Variants in MAPK13 observed in about 807,000 individuals in gnomAD.
MAPK13 encodes the protein mitogen-activated protein kinase 13.
Under a neutral mutation model 53.5 loss-of-function variants are expected in MAPK13, and 39 were observed. That is an observed-to-expected ratio of 0.73 (90% CI 0.56 to 0.95). MAPK13 has a LOEUF of 0.95. Ranked by LOEUF, MAPK13 falls within the 40% of genes least tolerant of loss-of-function variation. The probability of loss-of-function intolerance (pLI) is 0.00; values close to 1 mark genes in which losing one functional copy is unlikely to be tolerated. For synonymous variants in MAPK13, 179 were observed against 190.9 expected (o/e 0.94, Z 0.51); for missense variants, 460 against 471.8 (o/e 0.98, Z 0.23).
At chr6:36,131,154 C>T (rs1766311753) in intron 1 of MAPK13, 117 bp from the exon 2 acceptor site, 2 of 1,249,440 alleles carry the variant, frequency 1.6e-6, no homozygotes, top group Non-Finnish European at 2.2e-6. Context: ...CCCCCATATT[C>T]TAGGTGGTGG....
intron 4 of MAPK13, 31 bp downstream of exon 4, chr6:36,135,892 G>A: frequency 1.3e-6 from 2 of 1,598,416 alleles, no homozygotes; most frequent in Non-Finnish European, 1.7e-6. Context: ...TGGCAGAGGG[G>A]ACGCCTTGCT....
chr6:36,130,743 G>A lies in MAPK13; in HGVS notation c.119+42G>A. ...GCTGGGGGGCGGGGGGCGGGCGCCAGGCTCTCCCCTTTCCGCCCAGCCCGC... is the reference window on the plus strand; with the variant it reads ...GCTGGGGGGCGGGGGGCGGGCGCCAAGCTCTCCCCTTTCCGCCCAGCCCGC... On this transcript the variant is annotated intron_variant, in intron 1 of 11. Coordinates refer to ENST00000211287, the MANE Select transcript of MAPK13 (RefSeq NM_002754.5). This position sits in a 1 kb window ranked among gnomAD's most constrained non-coding sequence, Gnocchi z 4.5. 1 of 1,081,302 alleles carries A rather than the reference G, an allele frequency of 9.2e-7. No homozygotes were observed. The allele number at this position is 1,081,302 out of a possible 1,614,324, so 67.0% of individuals were successfully genotyped here.
chr6:36,137,329 C>A (rs984370563), intron 8 of MAPK13, among the ~76,000 whole-genome samples: 2 of 152,036 alleles, frequency 1.3e-5, no homozygotes, highest in African/African-American at 4.8e-5. Context: ...TCCTGGCTAA[C>A]AAGGGGAAAC....
Position 36,140,958 on chromosome 6 carries a change from A to G in MAPK13, c.*1585A>G, listed in dbSNP as rs1235745593. On this transcript the variant is annotated 3_prime_UTR_variant, in exon 12 of 12. Transcript: ENST00000211287. Reference sequence around the variant, plus strand: ...GGTGCACCAGGACTGCAGGTGGCTAATTAAAACATTTTTTTTCTTTTTTGT... The same window carrying G: ...GGTGCACCAGGACTGCAGGTGGCTAGTTAAAACATTTTTTTTCTTTTTTGT... 2.0e-5 allele frequency: 3 copies of G among 152,124 alleles called. No individual in the cohort carries two copies. Among genetic ancestry groups the G allele is most frequent in the African/African-American group, 7.2e-5 (3 of 41,424 alleles). The allele number at this position is 152,124 out of a possible 1,614,324, so 9.4% of individuals were successfully genotyped here. A position where few individuals can be genotyped will look rare whatever the true frequency, so the allele number is the denominator to read the frequency against.
chr6:36,132,767 T>G, intron 3 of MAPK13, 88 bp downstream of exon 3: 1 of 1,424,976 alleles, frequency 7.0e-7, no homozygotes, highest in Non-Finnish European at 9.9e-7. Context: ...GGGTTTCTAT[T>G]CCGGGTGTGG....
At chr6:36,131,018 T>G in intron 1 of MAPK13, 2 of 536,096 alleles carry the variant, frequency 3.7e-6, no homozygotes, top group Admixed American at 3.4e-5. Flanking sequence ...CTCGCCAAGT[T>G]GCAGACAGAG....
chr6:36,136,150 C>T, intron 5 of MAPK13, 102 bp downstream of exon 5: 1 of 1,362,192 alleles, frequency 7.3e-7, no homozygotes, highest in African/African-American at 1.4e-5. Context: ...GGAGGGGACA[C>T]TGCCCAGGAG....
Position 36,139,315 on chromosome 6 carries a change from T to C in MAPK13, c.1040T>C (p.Val347Ala). 2 of 1,614,164 alleles carry C rather than the reference T, an allele frequency of 1.2e-6. No individual in the cohort carries two copies. Among genetic ancestry groups the C allele is most frequent in the South Asian group, 2.2e-5 (2 of 91,078 alleles). ...TCAGAGCACATCTACAAGGAGATTG[T>C]GAACTTCAGCCCCATTGCCCGGAAG... Reference protein sequence around the residue: ...EWKQHIYKEIVNFSPIARKDS... With the variant: ...EWKQHIYKEIANFSPIARKDS... The change falls in exon 12 of 12, where the codon GTG becomes GCG. Residue 347 changes from valine (V) to alanine (A), a missense_variant. Physicochemically the swap from Val to Ala is moderately conservative, Grantham distance 64 (BLOSUM62 0). Coordinates refer to ENST00000211287, the MANE Select transcript of MAPK13 (RefSeq NM_002754.5).
chr6:36,136,421 G>A, intron 5 of MAPK13, 63 bp from the exon 6 acceptor site: 9 of 1,400,400 alleles, frequency 6.4e-6, no homozygotes, highest in Non-Finnish European at 7.8e-6. Context: ...CTGGGTGGTG[G>A]TGGAGCTAGG....
rs536570684 is a variant in MAPK13, at chr6:36,132,762, T to C, written c.308+83T>C. 66 of 1,464,994 alleles carry C rather than the reference T, an allele frequency of 4.5e-5. No individual in the cohort carries two copies. In the Middle Eastern group the frequency reaches 8.8e-4, roughly 20 times the overall value. 90.7% of individuals were successfully genotyped at this position (1,464,994 alleles called of 1,614,324 possible). ...GCAAGGTGGGGGAGGGTCTAGGGTT[T>C]CTATTCCGGGTGTGGCGGGGAGAGC... is the stretch of plus-strand genomic sequence containing the variant. On this transcript the variant is annotated intron_variant, in intron 3 of 11. Transcript: ENST00000211287.
rs1187848623 is a variant in MAPK13, at chr6:36,142,332, G to A, written c.*2959G>A. 2 of 152,302 alleles carry A rather than the reference G, an allele frequency of 1.3e-5. No individual in the cohort carries two copies. The highest frequency in any genetic ancestry group is 1.9e-4 in the East Asian group (1 of 5,188). The allele number at this position is 152,302 out of a possible 1,614,324, so 9.4% of individuals were successfully genotyped here. A position where few individuals can be genotyped will look rare whatever the true frequency, so the allele number is the denominator to read the frequency against. On this transcript the variant is annotated 3_prime_UTR_variant, in exon 12 of 12. Transcript: ENST00000211287. This position sits in a 1 kb window ranked among gnomAD's most constrained non-coding sequence, Gnocchi z 4.4. ...CAGTGCAGCCCAGTGCACAGGTCCC[G>A]ATATTGCCTCTCCCCAAGTAGGCTT... is the stretch of plus-strand genomic sequence containing the variant.
intron 3 of MAPK13, among the ~76,000 whole-genome samples, chr6:36,134,882 C>T (rs965866650): frequency 2.0e-5 from 3 of 152,260 alleles, no homozygotes; most frequent in Non-Finnish European, 2.9e-5. Context: ...GGCGTTCTGG[C>T]GTGCACCTGT....
rs1382312746 is a variant in MAPK13 at position 36,139,668 on chromosome 6, A to C, written c.*295A>C. The C allele has an allele frequency of 2.4e-6, 1 of 409,730 alleles. No individual in the cohort carries two copies. Among genetic ancestry groups the C allele is most frequent in the South Asian group, 3.0e-5 (1 of 33,352 alleles). 25.4% of individuals were successfully genotyped at this position (409,730 alleles called of 1,614,324 possible). On this transcript the variant is annotated 3_prime_UTR_variant, in exon 12 of 12. Transcript: ENST00000211287. Reference sequence around the variant, plus strand: ...GGGCGCTGAGCCAGGCCGGGGGCCTATGGCAGTGATGCTGTGTTGGTTTCC... The same window carrying C: ...GGGCGCTGAGCCAGGCCGGGGGCCTCTGGCAGTGATGCTGTGTTGGTTTCC...
chr6:36,136,575 C>T, intron 6 of MAPK13, 44 bp downstream of exon 6: 2 of 1,596,264 alleles, frequency 1.3e-6, no homozygotes, highest in Non-Finnish European at 1.7e-6. Context: ...ATAGGCCCTC[C>T]CCCAGGGAAG....
chr6:36,137,649 C>CAAAAAAAAA (rs71540139), intron 8 of MAPK13, among the ~76,000 whole-genome samples: 2 of 120,142 alleles, frequency 1.7e-5, no homozygotes, highest in Non-Finnish European at 3.6e-5. Flanking sequence ...GACCCTAACT[C>CAAAAAAAAA]AAAAAAAAAA....
In MAPK13 at chr6:36,130,914, C is replaced by A. The variant is rs56287738; in HGVS notation, c.119+213C>A. 1 of 523,558 alleles carries A rather than the reference C, an allele frequency of 1.9e-6. No individual in the cohort carries two copies. 32.4% of individuals were successfully genotyped at this position (523,558 alleles called of 1,614,324 possible). A position where few individuals can be genotyped will look rare whatever the true frequency, so the allele number is the denominator to read the frequency against. ...GGTTGAGTTGGGACTGGGCCTGGTT[C>A]TCCAGGACTGTACACTTGCAAGACC... On this transcript the variant is annotated intron_variant, in intron 1 of 11. Transcript: ENST00000211287. The surrounding 1 kb of genome is among the most constrained non-coding windows in gnomAD (Gnocchi z 4.5).
Position 36,138,893 on chromosome 6 carries a change from G to A in MAPK13, c.856G>A (p.Glu286Lys). ...TGCCCCTGCAGCTGCGGACCTGCTG[G>A]AGAAGATGCTGGAGCTAGACGTGGA... ...RASPQAADLL[E>K]KMLELDVDKR... The change falls in exon 11 of 12, where the codon GAG becomes AAG. Residue 286 changes from glutamate (E) to lysine (K), a missense_variant. Coordinates refer to ENST00000211287, the MANE Select transcript of MAPK13 (RefSeq NM_002754.5). 1 of 1,610,818 alleles carries A rather than the reference G, an allele frequency of 6.2e-7. No individual in the cohort carries two copies. Among genetic ancestry groups the A allele is most frequent in the Non-Finnish European group, 8.5e-7 (1 of 1,178,548 alleles).
Position 36,135,837 on chromosome 6 carries a change from GTA to G in MAPK13, c.395_396del (p.Tyr132SerfsTer7). The stretch of plus-strand genomic sequence containing the variant: ...GTGAGGAGAAGATCCAGTACCTGGT[GTA>G]TCAGATGCTCAAAGGCCTTAAGGTG... ...FSEEKIQYLVYQMLKGLKYIH... is the reference protein window; with the variant it reads ...FSEEKIQYLVXQMLKGLKYIH... On this transcript the variant is annotated frameshift_variant, in exon 4 of 12. Coordinates refer to ENST00000211287, the MANE Select transcript of MAPK13 (RefSeq NM_002754.5). LOFTEE classifies it high-confidence loss of function. 6.2e-7 allele frequency: 1 copy of G among 1,613,960 alleles called. No homozygotes were observed. The highest frequency in any genetic ancestry group is 8.5e-7 in the Non-Finnish European group (1 of 1,179,854).
rs1399449544 is a variant in MAPK13, at chr6:36,130,615, G to A, written c.33G>A (p.Lys11=). 2 of 1,585,038 alleles carry A rather than the reference G, an allele frequency of 1.3e-6. No individual in the cohort carries two copies. Among genetic ancestry groups the A allele is most frequent in the Admixed American group, 1.7e-5 (1 of 58,114 alleles). The change falls in exon 1 of 12, where the codon AAG becomes AAA. Residue 11 remains lysine (K), a synonymous_variant. Transcript: ENST00000211287. The surrounding 1 kb of genome is among the most constrained non-coding windows in gnomAD (Gnocchi z 4.5). The part of the protein sequence containing the change: MSLIRKKGFY[K]QDVNKTAWEL... ...TCATCCGGAAAAAGGGCTTCTACAA[G>A]CAGGACGTCAACAAGACAGCCTGGG...
Sources: allele counts gnomAD v4.1 joint callset (sites outside exome capture counted in the v4.1 genomes callset), GRCh38; gene constraint gnomAD v4.1.1; non-coding constraint Gnocchi (gnomAD v3.1); transcripts MANE v1.5; gene names NCBI Gene and HGNC (gene_info 2026-07-23, HGNC 2026-07-21).